FXYD4: variants seen among roughly 807,000 people sequenced by gnomAD.
FXYD4 encodes FXYD domain containing ion transport regulator 4.
FXYD4 carries 14 observed loss-of-function variants against 18.3 expected under a neutral mutation model. That is an observed-to-expected ratio of 0.77 (90% CI 0.51 to 1.20). The LOEUF is 1.20. FXYD4 is among the 50% of genes most tolerant of loss of function. The pLI, the probability that FXYD4 is intolerant of heterozygous loss-of-function variation, is 0.00. For synonymous variants in FXYD4, 40 were observed against 40.5 expected, an observed-to-expected ratio of 0.99 and a Z score of 0.04; for missense variants, 99 against 106.1, an observed-to-expected ratio of 0.93 and a Z score of 0.29.
At chr10:43,374,555 C>T in intron 4 of FXYD4, 53 bp downstream of exon 4, 2 of 1,611,424 alleles carry the variant, frequency 1.2e-6, no homozygotes, top group South Asian at 2.2e-5. Flanking sequence ...TCCCCTCTGA[C>T]ACCCACATCC....
intron 1 of FXYD4, among the ~76,000 whole-genome samples, chr10:43,372,059 TA>T (rs1194717594): frequency 2.9e-5 from 4 of 138,198 alleles, no homozygotes; most frequent in Non-Finnish European, 1.6e-5. Context: ...AAAAAAAAAA[TA>T]GTAATAATAA....
At chr10:43,373,435 G>A (rs569813090) in intron 2 of FXYD4, 80 bp from the exon 3 acceptor site, 53 of 388,556 alleles carry the variant, frequency 1.4e-4, no homozygotes, top group African/African-American at 8.2e-4. Context: ...TTTTAACAAC[G>A]CCTTCTACAG....
intron 5 of FXYD4, among the ~76,000 whole-genome samples, 164 bp from the exon 6 acceptor site, chr10:43,375,335 T>C (rs1325866620): frequency 6.6e-6 from 1 of 152,028 alleles, no homozygotes; most frequent in Non-Finnish European, 1.5e-5. Context: ...CCTCACTTTT[T>C]TTCTTCTTAG....
rs748396965 is a variant in FXYD4, at chr10:43,375,774, A to T, written c.212+40A>T. 77 of 1,597,390 alleles carry T rather than the reference A, an allele frequency of 4.8e-5. No individual in the cohort carries two copies. The South Asian group carries it at 7.3e-4, about 15-fold the overall frequency. On this transcript the variant is annotated intron_variant, in intron 7 of 8. Coordinates refer to ENST00000476166, the MANE Select transcript of FXYD4 (RefSeq NM_173160.3). ...ATGGTGCCCTCCTCCTTCGGGGCAG[A>T]ACTACGGGGGGACAGTCCTGACCTG...
rs960127519 is a variant in FXYD4 at position 43,375,735 on chromosome 10, G to T, written c.212+1G>T. On this transcript the variant is annotated splice_donor_variant, in intron 7 of 8. Transcript: ENST00000476166. LOFTEE classifies it high-confidence loss of function. Reference sequence around the variant, plus strand: ...GCAAGAGCAGCCAGAAGCAGCACAGGTGAGCCTGACCCTATGGTGCCCTCC... The same window carrying T: ...GCAAGAGCAGCCAGAAGCAGCACAGTTGAGCCTGACCCTATGGTGCCCTCC... The T allele has an allele frequency of 6.2e-7, 1 of 1,613,986 alleles. No homozygotes were observed. Among genetic ancestry groups the T allele is most frequent in the Non-Finnish European group, 8.5e-7 (1 of 1,179,978 alleles).
intron 7 of FXYD4, 29 bp from the exon 8 acceptor site, chr10:43,376,003 A>ATAC: frequency 6.2e-7 from 1 of 1,613,308 alleles, no homozygotes; most frequent in Non-Finnish European, 8.5e-7. Flanking sequence ...GGCTAACCTG[A>ATAC]TACTACTCTG....
chr10:43,373,811 T>A, intron 3 of FXYD4, 28 bp downstream of exon 3: 1 of 1,517,104 alleles, frequency 6.6e-7, no homozygotes, highest in Non-Finnish European at 9.2e-7. Flanking sequence ...CCTGGGACCC[T>A]CTTGCATTCA....
rs374304725 is a variant in FXYD4 at position 43,375,752 on chromosome 10, G to A, written c.212+18G>A. ...CAGCACAGGTGAGCCTGACCCTATG[G>A]TGCCCTCCTCCTTCGGGGCAGAACT... On this transcript the variant is annotated intron_variant, in intron 7 of 8. Coordinates refer to ENST00000476166, the MANE Select transcript of FXYD4 (RefSeq NM_173160.3). 2.7e-5 allele frequency: 44 copies of A among 1,613,396 alleles called. No homozygotes were observed. The highest frequency in any genetic ancestry group is 3.6e-5 in the Non-Finnish European group (43 of 1,179,422).
intron 3 of FXYD4, among the ~76,000 whole-genome samples, chr10:43,374,114 C>T (rs1281170079): frequency 1.3e-5 from 2 of 152,114 alleles, no homozygotes; most frequent in African/African-American, 4.8e-5. Flanking sequence ...GGGAGGATCA[C>T]TTGAGCCTGG....
At chr10:43,374,781 C>T (rs573630236) in intron 5 of FXYD4, 142 bp downstream of exon 5, 315 of 774,348 alleles carry the variant, frequency 4.1e-4, no homozygotes, top group Non-Finnish European at 5.9e-4. Flanking sequence ...GAGCGTCGCT[C>T]CAACAAGGGG....
At chr10:43,372,264 C>T (rs1214671844) in intron 1 of FXYD4, among the ~76,000 whole-genome samples, 1 of 151,824 alleles carries the variant, frequency 6.6e-6, no homozygotes, top group African/African-American at 2.4e-5. Context: ...TGCAGAAGGA[C>T]CATGTGTTTA....
At position 43,374,480 on chromosome 10, in the gene FXYD4, C is replaced by G. The variant is rs371576645; in HGVS notation, c.48C>G (p.Ala16=). Residue 16 remains alanine, a synonymous_variant, in exon 4 of 9, where the codon GCC becomes GCG. Transcript: ENST00000476166. The stretch of plus-strand genomic sequence containing the variant: ...GCTCCTCCCACACAGGCCTGACTGC[C>G]TTGGAAGCCAATGACCCATTTGGTG... ...LALLLLAGLT[A]LEANDPFANK... 1.9e-6 allele frequency: 3 copies of G among 1,614,162 alleles called. No homozygotes were observed. The highest frequency in any genetic ancestry group is 1.7e-6 in the Non-Finnish European group (2 of 1,180,006).
At chr10:43,372,681 A>T (rs1837822227) in intron 1 of FXYD4, 46 bp from the exon 2 acceptor site, 1 of 152,242 alleles carries the variant, frequency 6.6e-6, no homozygotes, top group Non-Finnish European at 1.5e-5. Flanking sequence ...TTCCATCGCT[A>T]TAACCTTATG....
At chr10:43,371,733 G>C (rs1837810208) in intron 1 of FXYD4, 36 bp downstream of exon 1, 1 of 152,300 alleles carries the variant, frequency 6.6e-6, no homozygotes, top group Non-Finnish European at 1.5e-5. Context: ...GCTGGGTGAA[G>C]GGGGTGGGTG....
In FXYD4 at chr10:43,374,608, T is replaced by C. The variant is rs1308693338; in HGVS notation, c.71-5T>C. The C allele has an allele frequency of 1.9e-6, 3 of 1,613,636 alleles. No individual in the cohort carries two copies. The highest frequency in any genetic ancestry group is 2.5e-6 in the Non-Finnish European group (3 of 1,179,712). ...TCTGAAGTCTTTTTGCCCCACTTTT[T>C]CTAGCCAATAAAGACGATCCCTTCT... On this transcript the variant is annotated splice_polypyrimidine_tract_variant and splice_region_variant and intron_variant, in intron 4 of 8. Transcript: ENST00000476166.
intron 2 of FXYD4, 125 bp from the exon 3 acceptor site, chr10:43,373,390 A>G (rs911927165): frequency 3.5e-5 from 10 of 288,250 alleles, no homozygotes; most frequent in African/African-American, 1.3e-4. Flanking sequence ...TATCTTCCTC[A>G]TGGGGAGGAG....
chr10:43,372,736 G>A lies in FXYD4; in HGVS notation c.-269G>A, dbSNP rs1402425478. 2 of 152,238 alleles carry A rather than the reference G, an allele frequency of 1.3e-5. No individual in the cohort carries two copies. The highest frequency in any genetic ancestry group is 2.9e-5 in the Non-Finnish European group (2 of 68,048). The allele number at this position is 152,238 out of a possible 1,614,324, so 9.4% of individuals were successfully genotyped here. ...GATCCTCCTTTTACAGGACACTGGT[G>A]AAGGAGCAGTGAGGAACCTGCAGAG... On this transcript the variant is annotated 5_prime_UTR_variant, in exon 2 of 9. Coordinates refer to ENST00000476166, the MANE Select transcript of FXYD4 (RefSeq NM_173160.3).
At chr10:43,374,329 G>A in intron 3 of FXYD4, 141 bp from the exon 4 acceptor site, 1 of 800,966 alleles carries the variant, frequency 1.2e-6, no homozygotes, top group Non-Finnish European at 2.2e-6. Context: ...CTGAGGCTGT[G>A]TGGGGCTGGG....
rs544244866 is a variant in FXYD4 at position 43,375,859 on chromosome 10, G to A, written c.212+125G>A. 5.6e-6 allele frequency: 7 copies of A among 1,242,634 alleles called. No homozygotes were observed. In the East Asian group the frequency reaches 1.2e-4, roughly 21 times the overall value. The allele number at this position is 1,242,634 out of a possible 1,614,324, so 77.0% of individuals were successfully genotyped here. A position where few individuals can be genotyped will look rare whatever the true frequency, so the allele number is the denominator to read the frequency against. On this transcript the variant is annotated intron_variant, in intron 7 of 8. Transcript: ENST00000476166. ...TGCAGCTGGCTTTGTTATTCAGATA[G>A]TCAACCCTGAAGGGCCCCAGTCAGG...
Sources: allele counts gnomAD v4.1 joint callset (sites outside exome capture counted in the v4.1 genomes callset), GRCh38; gene constraint gnomAD v4.1.1; transcripts MANE v1.5; gene names NCBI Gene and HGNC (gene_info 2026-07-23, HGNC 2026-07-21).